WWTR1: variants seen among roughly 807,000 people sequenced by gnomAD.
WWTR1 encodes WW domain-containing transcription regulator protein 1.
WWTR1 carries 13 observed loss-of-function variants against 40.1 expected under a neutral mutation model. The ratio of observed to expected loss-of-function variants is 0.32; its 90% CI spans 0.21 to 0.52. The LOEUF is 0.52. Among genes scored for constraint, WWTR1 ranks in the 20% least tolerant of loss-of-function variants. WWTR1 has a pLI of 0.97. For synonymous variants in WWTR1, 230 were observed against 210.1 expected (o/e 1.09, Z -0.82); for missense variants, 436 against 523.1 (o/e 0.83, Z 1.63).
At position 149,631,886 on chromosome 3, in the gene WWTR1, T is replaced by A. The variant is rs143936133; in HGVS notation, c.431+24990A>T. Among the ~76,000 whole-genome samples, 144 of 152,284 alleles carry A rather than the reference T, an allele frequency of 9.5e-4. 1 individual carries two copies. The highest frequency in any genetic ancestry group is 3.3e-3 in the African/African-American group (139 of 41,574). ...CTTGGTAGGGAAGAGCTGTGAGGCATGATACCTTAATAAAATTGAGAACTT... is the reference window on the plus strand; with the variant it reads ...CTTGGTAGGGAAGAGCTGTGAGGCAAGATACCTTAATAAAATTGAGAACTT... On this transcript the variant is annotated intron_variant, in intron 2 of 6. Coordinates refer to ENST00000360632, the MANE Select transcript of WWTR1 (RefSeq NM_015472.6).
chr3:149,594,282 T>C lies in WWTR1; in HGVS notation c.432-21282A>G, dbSNP rs74571044. Among the ~76,000 whole-genome samples the C allele has an allele frequency of 4.9e-3, 753 of 152,308 alleles. 3 individuals are homozygous for C. Among genetic ancestry groups the C allele is most frequent in the African/African-American group, 0.018 (730 of 41,562 alleles). On this transcript the variant is annotated intron_variant, in intron 2 of 6. Coordinates refer to ENST00000360632, the MANE Select transcript of WWTR1 (RefSeq NM_015472.6). ...GGTCAGGGGGCCTCTCTGAACTTAT[T>C]CTGGTTTAGGAGTTCCCCCTCCCCC...
intron 2 of WWTR1, among the ~76,000 whole-genome samples, chr3:149,587,324 T>TC (rs1738473709): frequency 6.6e-6 from 1 of 152,136 alleles, no homozygotes; most frequent in African/African-American, 2.4e-5. Context: ...ATTTTTTTTT[T>TC]CCCTTCAGAC....
chr3:149,546,002 T>C (rs972192580), intron 3 of WWTR1, among the ~76,000 whole-genome samples: 3 of 152,196 alleles, frequency 2.0e-5, no homozygotes, highest in African/African-American at 7.2e-5. Flanking sequence ...GAAAGCCACA[T>C]AGCAACCAGA....
chr3:149,562,625 AC>A (rs1737136480), intron 3 of WWTR1, among the ~76,000 whole-genome samples: 1 of 151,106 alleles, frequency 6.6e-6, no homozygotes, highest in African/African-American at 2.4e-5. Context: ...ACACACACAC[AC>A]ACACACACAC....
At chr3:149,606,505 C>T (rs1232191707) in intron 2 of WWTR1, among the ~76,000 whole-genome samples, 1 of 152,000 alleles carries the variant, frequency 6.6e-6, no homozygotes, top group Non-Finnish European at 1.5e-5. Flanking sequence ...ACAAAAGATA[C>T]ACAAAACTAT....
At chr3:149,689,319 T>C (rs1714744675) in intron 1 of WWTR1, among the ~76,000 whole-genome samples, 1 of 141,424 alleles carries the variant, frequency 7.1e-6, no homozygotes, top group South Asian at 2.2e-4. Flanking sequence ...AGGTGGAGGT[T>C]GCAGTGAGCT....
chr3:149,621,986 T>A (rs938581998), intron 2 of WWTR1, among the ~76,000 whole-genome samples: 2 of 152,198 alleles, frequency 1.3e-5, no homozygotes. Flanking sequence ...CTCACTCACC[T>A]TTATCTAAAA....
chr3:149,680,564 A>C (rs12494522), intron 1 of WWTR1, among the ~76,000 whole-genome samples: 45,614 of 149,812 alleles, frequency 0.3, 7,179 homozygotes, highest in Admixed American at 0.39. Flanking sequence ...AACCAACCAA[A>C]CAAACAAACA....
At chr3:149,595,430 GTTC>G (rs912710131) in intron 2 of WWTR1, among the ~76,000 whole-genome samples, 46 of 152,132 alleles carry the variant, frequency 3.0e-4, no homozygotes, top group Admixed American at 1.0e-3. Flanking sequence ...GTAAGAAAAT[GTTC>G]TTCTTTTTTA....
At chr3:149,574,212 T>A (rs13096866) in intron 2 of WWTR1, among the ~76,000 whole-genome samples, 16,014 of 151,786 alleles carry the variant, frequency 0.11, 1,056 homozygotes, top group Non-Finnish European at 0.15. Flanking sequence ...TTTTAAAAAA[T>A]TTTTTTTGTA....
chr3:149,605,929 C>T (rs1198833287), intron 2 of WWTR1, among the ~76,000 whole-genome samples: 2 of 152,046 alleles, frequency 1.3e-5, no homozygotes, highest in Admixed American at 6.6e-5. Context: ...TGTCTGTGTC[C>T]CCACCAAATT....
chr3:149,695,921 G>C (rs1312474076), intron 1 of WWTR1, among the ~76,000 whole-genome samples: 1 of 150,538 alleles, frequency 6.6e-6, no homozygotes, highest in Non-Finnish European at 1.5e-5. Context: ...GACTATCCTG[G>C]CTAACATGGT....
chr3:149,616,302 A>G (rs1739964843), intron 2 of WWTR1, among the ~76,000 whole-genome samples: 1 of 152,146 alleles, frequency 6.6e-6, no homozygotes, highest in African/African-American at 2.4e-5. Flanking sequence ...CTTTCTGCCT[A>G]TGAAAATTTG....
intron 3 of WWTR1, among the ~76,000 whole-genome samples, chr3:149,571,070 C>A (rs1453762112): frequency 6.6e-6 from 1 of 152,014 alleles, no homozygotes; most frequent in Non-Finnish European, 1.5e-5. Context: ...AAGCAAGATA[C>A]AGAACAGTGG....
rs201770100 is a variant in WWTR1, at chr3:149,701,555, G to A, written c.-108+1569C>T. On this transcript the variant is annotated intron_variant, in intron 1 of 7. Coordinates refer to the WWTR1 transcript ENST00000465804. ...GTGTCTGGTCTGTTTTCTAAGAAAC[G>A]TATGAATTCTATTATCTTTACAAAT... is the stretch of plus-strand genomic sequence containing the variant. The A allele has an allele frequency of 9.4e-5, 17 of 180,336 alleles. No homozygotes were observed. In the East Asian group the frequency reaches 1.4e-3, roughly 14 times the overall value. 11.2% of individuals were successfully genotyped at this position (180,336 alleles called of 1,614,324 possible). A position where few individuals can be genotyped will look rare whatever the true frequency, so the allele number is the denominator to read the frequency against.
chr3:149,577,095 TGTGGTGA>T (rs1737919703), intron 2 of WWTR1, among the ~76,000 whole-genome samples: 2 of 152,024 alleles, frequency 1.3e-5, no homozygotes, highest in Non-Finnish European at 1.5e-5. Flanking sequence ...AGGCGGAGAT[TGTGGTGA>T]GCCGAGATCG....
chr3:149,555,813 C>T (rs1736802434), intron 3 of WWTR1, among the ~76,000 whole-genome samples: 1 of 152,136 alleles, frequency 6.6e-6, no homozygotes, highest in Non-Finnish European at 1.5e-5. Flanking sequence ...AAGGTCCCTG[C>T]CCTGTAGGAG....
chr3:149,540,074 C>A, intron 4 of WWTR1: 1 of 263,300 alleles, frequency 3.8e-6, no homozygotes, highest in Non-Finnish European at 7.7e-6. Context: ...CCATCTCCTC[C>A]TAACTACACA....
chr3:149,630,085 A>G (rs1460699243), intron 2 of WWTR1, among the ~76,000 whole-genome samples: 1 of 152,080 alleles, frequency 6.6e-6, no homozygotes, highest in East Asian at 1.9e-4. Flanking sequence ...GGCTCAAGCA[A>G]TCCTCGTGCC....
Sources: allele counts gnomAD v4.1 joint callset (sites outside exome capture counted in the v4.1 genomes callset), GRCh38; gene constraint gnomAD v4.1.1; transcripts MANE v1.5; gene names NCBI Gene and HGNC (gene_info 2026-07-23, HGNC 2026-07-21).